Variants in GLIS2 observed in about 807,000 individuals in gnomAD.
GLIS2 encodes GLIS family zinc finger 2.
GLIS2 carries 14 observed loss-of-function variants against 35.6 expected under a neutral mutation model. That is an observed-to-expected ratio of 0.39 (90% CI 0.26 to 0.61). The LOEUF (loss-of-function observed/expected upper bound fraction) is 0.61, where lower values mean the gene tolerates loss of function less well. GLIS2 is among the 20% of genes least tolerant of loss of function. GLIS2 has a pLI of 0.48. For synonymous variants in GLIS2, 368 were observed against 325.1 expected (o/e 1.13, Z -1.42); for missense variants, 675 against 713.4 (o/e 0.95, Z 0.61).
chr16:4,336,063 G>T, intron 6 of GLIS2: 1 of 178,710 alleles, frequency 5.6e-6, no homozygotes, highest in Non-Finnish European at 1.2e-5. Context: ...GCCATTTGTT[G>T]AGTGAGGGCA....
rs2053532701 is a variant in GLIS2 at position 4,334,825 on chromosome 16, G to C, written c.370G>C (p.Asp124His). The C allele has an allele frequency of 6.2e-7, 1 of 1,613,340 alleles. No homozygotes were observed. The highest frequency in any genetic ancestry group is 1.1e-5 in the South Asian group (1 of 91,078). ...ASDFQPLRYL[D>H]GVPSSFQFFL... ...GGACTTCCAGCCACTGCGCTATTTG[G>C]ATGGTGTCCCCAGCTCCTTCCAGTT... The change falls in exon 4 of 7, where the codon GAT (aspartate) becomes CAT (histidine). Residue 124 changes from aspartate (D) to histidine (H), a missense_variant. Physicochemically the swap from Asp to His is moderately conservative, Grantham distance 81. Transcript: ENST00000433375.
At chr16:4,331,167 A>G (rs2053492939) in intron 1 of GLIS2, among the ~76,000 whole-genome samples, 1 of 151,394 alleles carries the variant, frequency 6.6e-6, no homozygotes, top group Non-Finnish European at 1.5e-5. Context: ...TATTTAATAG[A>G]GTTGGGGTTT....
intron 1 of GLIS2, among the ~76,000 whole-genome samples, chr16:4,324,177 C>A (rs984247811): frequency 1.3e-5 from 2 of 152,164 alleles, no homozygotes; most frequent in East Asian, 3.8e-4. Context: ...TGGCTGAGTG[C>A]CCCGTCTTGG....
chr16:4,334,699 G>C (rs1596241394), intron 3 of GLIS2, 102 bp from the exon 4 acceptor site: 1 of 1,375,526 alleles, frequency 7.3e-7, no homozygotes, highest in Non-Finnish European at 1.0e-6. Flanking sequence ...GGGAGAAGAG[G>C]ACCTGAATGT....
intron 1 of GLIS2, among the ~76,000 whole-genome samples, chr16:4,322,771 C>T (rs927157242): frequency 6.6e-6 from 1 of 152,196 alleles, no homozygotes; most frequent in East Asian, 1.9e-4. Flanking sequence ...GCCCGCCTTA[C>T]CCACTCCTGC....
At chr16:4,321,369 G>T (rs539482755) in intron 1 of GLIS2, among the ~76,000 whole-genome samples, 1 of 152,288 alleles carries the variant, frequency 6.6e-6, no homozygotes, top group African/African-American at 2.4e-5. Flanking sequence ...ATTCCTCTTT[G>T]GGCACGAACC....
Position 4,332,289 on chromosome 16 carries a change from C to G in GLIS2, c.9C>G (p.Ser3=). The change falls in exon 2 of 7, where the codon TCC becomes TCG. Residue 3 remains serine (S), a synonymous_variant. Transcript: ENST00000433375. This position sits in a 1 kb window ranked among gnomAD's most constrained non-coding sequence, Gnocchi z 5.4. MH[S]LDEPLDLKLS... is the part of the protein sequence containing the mutation. ...ACTCCGGCCCCCTCACCATGCACTC[C>G]CTGGACGAGCCGCTCGACCTGAAGC... The G allele has an allele frequency of 6.2e-7, 1 of 1,612,380 alleles. No individual in the cohort carries two copies.
intron 1 of GLIS2, among the ~76,000 whole-genome samples, chr16:4,327,908 C>A (rs1268475954): frequency 6.6e-6 from 1 of 152,094 alleles, no homozygotes; most frequent in Non-Finnish European, 1.5e-5. Context: ...CCCCAGCCCT[C>A]GCCCCAACCC....
At position 4,336,914 on chromosome 16, in the gene GLIS2, C is replaced by A. The variant is rs2053557936; in HGVS notation, c.965C>A (p.Ser322Tyr). 2 of 1,612,956 alleles carry A rather than the reference C, an allele frequency of 1.2e-6. No homozygotes were observed. Among genetic ancestry groups the A allele is most frequent in the Non-Finnish European group, 1.7e-6 (2 of 1,179,986 alleles). ...ATCAAGGCCCATGGCCACTTTGTGTCCCACGAGCAGCAAGAGCTCCTGCAG... is the reference window on the plus strand; with the variant it reads ...ATCAAGGCCCATGGCCACTTTGTGTACCACGAGCAGCAAGAGCTCCTGCAG... Reference protein sequence around the residue: ...KHIKAHGHFVSHEQQELLQLR... With the variant: ...KHIKAHGHFVYHEQQELLQLR... The change falls in exon 7 of 7, where the codon TCC (serine) becomes TAC (tyrosine). Residue 322 changes from serine to tyrosine, a missense_variant. By Grantham distance (144) the Ser-to-Tyr change is moderately radical (BLOSUM62 -2). Around this residue, in one of 3 missense-constraint regions of GLIS2, gnomAD observed 317 missense variants for 283.2 expected, o/e 1.12. Transcript: ENST00000433375.
At chr16:4,326,459 G>A (rs1487663617) in intron 1 of GLIS2, 5 of 152,172 alleles carry the variant, frequency 3.3e-5, no homozygotes, top group Non-Finnish European at 7.3e-5. Context: ...AGCGGGGCAG[G>A]GATGCAGCCC....
At chr16:4,327,513 C>T (rs2053445388) in intron 1 of GLIS2, among the ~76,000 whole-genome samples, 3 of 152,236 alleles carry the variant, frequency 2.0e-5, no homozygotes, top group Admixed American at 2.0e-4. Context: ...GTGGCCGGCC[C>T]CGCCTGCCAG....
chr16:4,318,362 T>C (rs2053337870), intron 1 of GLIS2, among the ~76,000 whole-genome samples: 1 of 150,780 alleles, frequency 6.6e-6, no homozygotes, highest in Non-Finnish European at 1.5e-5. Context: ...TGGAGGGGGG[T>C]CAGGGGGAGG....
intron 1 of GLIS2, among the ~76,000 whole-genome samples, chr16:4,323,912 C>T (rs1249349682): frequency 2.0e-5 from 3 of 152,214 alleles, no homozygotes; most frequent in African/African-American, 7.2e-5. Flanking sequence ...TACAAGGAAA[C>T]CAAGGCTCAG....
At chr16:4,315,610 C>CCCA (rs2053298805), upstream of GLIS2, among the ~76,000 whole-genome samples, 1 of 151,606 alleles carries the variant, frequency 6.6e-6, no homozygotes, top group Admixed American at 6.6e-5. Flanking sequence ...CCCCCGCCCC[C>CCCA]CCAGGCCACC....
At chr16:4,327,620 C>T (rs1250556309) in intron 1 of GLIS2, among the ~76,000 whole-genome samples, 4 of 152,104 alleles carry the variant, frequency 2.6e-5, no homozygotes, top group Non-Finnish European at 5.9e-5. Context: ...GCTCGGGCTG[C>T]GGTCGGGCAC....
chr16:4,327,814 C>A (rs867480659), intron 1 of GLIS2, among the ~76,000 whole-genome samples: 2 of 151,938 alleles, frequency 1.3e-5, no homozygotes, highest in South Asian at 2.1e-4. Context: ...TCCTCCCGCT[C>A]GCCCCGCTCT....
At chr16:4,322,581 G>T (rs3888627) in intron 1 of GLIS2, among the ~76,000 whole-genome samples, 5,217 of 152,116 alleles carry the variant, frequency 0.034, 109 homozygotes, top group Admixed American at 0.086. Context: ...CCATATCCAT[G>T]AGGCTGACCC....
intron 1 of GLIS2, among the ~76,000 whole-genome samples, chr16:4,321,171 C>T (rs151268145): frequency 5.3e-5 from 8 of 152,158 alleles, no homozygotes; most frequent in African/African-American, 1.9e-4. Flanking sequence ...GCTGGGAGGG[C>T]GTGGCAGGAG....
rs200437680 is a variant in GLIS2 at position 4,335,415 on chromosome 16, G to T, written c.775+22G>T. The stretch of plus-strand genomic sequence containing the variant: ...ACAGGTAAGAGGCCGGGGCCGGGCG[G>T]CTTGGCCCATGAAGGGGGCGCTCAG... On this transcript the variant is annotated intron_variant, in intron 6 of 6. Coordinates refer to ENST00000433375, the MANE Select transcript of GLIS2 (RefSeq NM_032575.3). The surrounding 1 kb of genome is among the most constrained non-coding windows in gnomAD (Gnocchi z 4.6). 9.9e-6 allele frequency: 16 copies of T among 1,610,610 alleles called. No individual in the cohort carries two copies. Among genetic ancestry groups the T allele is most frequent in the Non-Finnish European group, 8.5e-7 (1 of 1,177,956 alleles).
Sources: gnomAD v4.1 joint callset for allele counts (sites outside exome capture counted in the v4.1 genomes callset) on GRCh38, gnomAD v4.1.1 for gene constraint, gnomAD v4.1.1 regional missense constraint, Gnocchi (gnomAD v3.1) non-coding constraint, MANE v1.5 for transcripts, NCBI Gene and HGNC (gene_info 2026-07-23, HGNC 2026-07-21) for gene names.